Variants in KALRN observed in about 807,000 individuals in gnomAD.
The protein encoded by KALRN is kalirin RhoGEF kinase.
Under a neutral mutation model 353.7 loss-of-function variants are expected in KALRN, and 70 were observed. That is an observed-to-expected ratio of 0.20 (90% CI 0.16 to 0.24). KALRN has a LOEUF of 0.24. KALRN is among the 10% of genes least tolerant of loss of function. The probability of loss-of-function intolerance (pLI) is 1.00; values close to 1 mark genes in which losing one functional copy is unlikely to be tolerated. For missense variants in KALRN, 2,791 were observed against 3,756.7 expected, an observed-to-expected ratio of 0.74 and a Z score of 6.72; for synonymous variants, 1,391 against 1,434.8, an observed-to-expected ratio of 0.97 and a Z score of 0.69.
chr3:124,666,620 A>G lies in KALRN; in HGVS notation c.6517A>G (p.Lys2173Glu). Residue 2173 changes from lysine (K) to glutamate (E), a missense_variant, in exon 46 of 60, where the codon AAA becomes GAA. Lys to Glu is a moderately conservative substitution (Grantham distance 56, BLOSUM62 1). This residue lies in a region of KALRN where 1,065 missense variants were observed against 1,156.4 expected (regional missense o/e 0.92). Coordinates refer to ENST00000682506, the MANE Select transcript of KALRN (RefSeq NM_001388419.1). Reference protein sequence around the residue: ...KGSLTPGYMFKRSIKMNYLVL... With the variant: ...KGSLTPGYMFERSIKMNYLVL... ...ATCCCTCACCCCTGGCTACATGTTC[A>G]AAAGGAGCATCAAGGTGAGGATCCC... 1 of 1,613,996 alleles carries G rather than the reference A, an allele frequency of 6.2e-7. No homozygotes were observed. The highest frequency in any genetic ancestry group is 8.5e-7 in the Non-Finnish European group (1 of 1,179,886).
chr3:124,235,243 T>C (rs1196119082), intron 3 of KALRN, among the ~76,000 whole-genome samples: 2 of 152,174 alleles, frequency 1.3e-5, no homozygotes, highest in Non-Finnish European at 2.9e-5. Flanking sequence ...GGGAGTGATA[T>C]TGCCCCCAAA....
intron 53 of KALRN, 33 bp from the exon 54 acceptor site, chr3:124,696,101 G>C (rs1295970039): frequency 6.2e-7 from 1 of 1,611,090 alleles, no homozygotes; most frequent in South Asian, 1.1e-5. Context: ...TCTCATTACT[G>C]GAGTCTGAAG....
chr3:124,456,201 T>C (rs1054659035), intron 22 of KALRN, among the ~76,000 whole-genome samples: 1 of 152,238 alleles, frequency 6.6e-6, no homozygotes, highest in African/African-American at 2.4e-5. Context: ...TTTGATTATT[T>C]TCTTTTGACA....
intron 6 of KALRN, among the ~76,000 whole-genome samples, chr3:124,314,350 T>G (rs2078593017): frequency 1.6e-5 from 1 of 61,452 alleles, no homozygotes; most frequent in Admixed American, 2.6e-4. Context: ...GGGCCTGTTG[T>G]GGGGTGGGGG....
intron 1 of KALRN, among the ~76,000 whole-genome samples, chr3:124,160,913 G>A (rs187294833): frequency 6.6e-6 from 1 of 151,912 alleles, no homozygotes; most frequent in East Asian, 1.9e-4. Flanking sequence ...ATTGTATCCT[G>A]TAGTTCTCCA....
chr3:124,304,247 A>C (rs2077504986), intron 6 of KALRN, among the ~76,000 whole-genome samples: 2 of 152,036 alleles, frequency 1.3e-5, no homozygotes, highest in Admixed American at 6.5e-5. Flanking sequence ...TAAAAAAATG[A>C]AGAAGAAGAG....
intron 33 of KALRN, among the ~76,000 whole-genome samples, chr3:124,527,565 T>C (rs1301531476): frequency 6.6e-6 from 1 of 150,932 alleles, no homozygotes; most frequent in Non-Finnish European, 1.5e-5. Context: ...GCCGAGATTG[T>C]GCCACTCCAG....
chr3:124,131,501 AT>A, intron 1 of KALRN, among the ~76,000 whole-genome samples: 1 of 152,348 alleles, frequency 6.6e-6, no homozygotes, highest in East Asian at 1.9e-4. Context: ...AAGAAGTAAG[AT>A]TGTACTTGAA....
At chr3:124,135,199 A>G (rs778375051) in intron 1 of KALRN, among the ~76,000 whole-genome samples, 4 of 152,322 alleles carry the variant, frequency 2.6e-5, no homozygotes, top group Non-Finnish European at 5.9e-5. Flanking sequence ...CTCAGCCCTA[A>G]AAAGGAATGA....
At chr3:124,642,910 G>A (rs964549904) in intron 37 of KALRN, among the ~76,000 whole-genome samples, 6 of 148,146 alleles carry the variant, frequency 4.1e-5, no homozygotes, top group African/African-American at 7.5e-5. Flanking sequence ...TCCGCCTCCC[G>A]GGTTCAAGCT....
At chr3:124,583,308 T>C (rs1421800537) in intron 34 of KALRN, among the ~76,000 whole-genome samples, 1 of 152,060 alleles carries the variant, frequency 6.6e-6, no homozygotes. Context: ...AGCAGGCCCT[T>C]TGCCCTAAAG....
At chr3:124,320,411 G>T (rs2079207810) in intron 6 of KALRN, among the ~76,000 whole-genome samples, 1 of 152,218 alleles carries the variant, frequency 6.6e-6, no homozygotes, top group Non-Finnish European at 1.5e-5. Context: ...CTTGTTCTTT[G>T]CAGAGATGAA....
intron 27 of KALRN, among the ~76,000 whole-genome samples, chr3:124,479,457 T>G (rs538143967): frequency 2.8e-4 from 43 of 152,314 alleles, no homozygotes; most frequent in African/African-American, 8.9e-4. Context: ...TTTCCCTAAC[T>G]TCTACACTTA....
chr3:124,266,361 T>A (rs2073547052), intron 4 of KALRN, among the ~76,000 whole-genome samples: 1 of 152,210 alleles, frequency 6.6e-6, no homozygotes, highest in Non-Finnish European at 1.5e-5. Flanking sequence ...GGATGGTTTT[T>A]ATTTACTTCA....
chr3:124,511,791 A>G (rs1450573925), intron 33 of KALRN, among the ~76,000 whole-genome samples: 2 of 152,240 alleles, frequency 1.3e-5, no homozygotes, highest in Non-Finnish European at 2.9e-5. Context: ...AAAATTATTT[A>G]TCTGTCCTGA....
At chr3:124,508,399 G>T (rs193240502) in intron 33 of KALRN, among the ~76,000 whole-genome samples, 21 of 152,146 alleles carry the variant, frequency 1.4e-4, no homozygotes, top group African/African-American at 4.8e-4. Flanking sequence ...ATCTCAATGT[G>T]GCTGTTTTTA....
intron 47 of KALRN, 95 bp from the exon 48 acceptor site, chr3:124,671,565 A>G: frequency 1.3e-6 from 1 of 791,132 alleles, no homozygotes; most frequent in South Asian, 1.6e-5. Flanking sequence ...TCACTTATCC[A>G]CACGATGCCT....
At chr3:124,152,301 A>G (rs2068221163) in intron 1 of KALRN, 1 of 1,218,364 alleles carries the variant, frequency 8.2e-7, no homozygotes, top group Non-Finnish European at 1.2e-6. Flanking sequence ...TCCTCAGCAT[A>G]TTAATTGAAG....
intron 34 of KALRN, among the ~76,000 whole-genome samples, chr3:124,603,558 G>A (rs2077024377): frequency 6.6e-6 from 1 of 152,100 alleles, no homozygotes; most frequent in East Asian, 1.9e-4. Context: ...ATGCCAATAT[G>A]CAGGTGTCGA....
Sources: allele counts gnomAD v4.1 joint callset (sites outside exome capture counted in the v4.1 genomes callset), GRCh38; gene constraint gnomAD v4.1.1; regional missense constraint gnomAD v4.1.1; transcripts MANE v1.5; gene names NCBI Gene and HGNC (gene_info 2026-07-23, HGNC 2026-07-21).